DUSP19: variants seen among roughly 807,000 people sequenced by gnomAD.
DUSP19 encodes dual specificity phosphatase 19.
DUSP19 carries 14 observed loss-of-function variants against 16.6 expected under a neutral mutation model. The ratio of observed to expected loss-of-function variants is 0.84; its 90% CI spans 0.56 to 1.32. The LOEUF (loss-of-function observed/expected upper bound fraction) is 1.32, where lower values mean the gene tolerates loss of function less well. Among genes scored for constraint, DUSP19 ranks in the 40% most tolerant of loss-of-function variants. DUSP19 has a pLI of 0.00. For synonymous variants in DUSP19, 81 were observed against 90.5 expected, an observed-to-expected ratio of 0.90 and a Z score of 0.59; for missense variants, 258 against 255.9, an observed-to-expected ratio of 1.01 and a Z score of -0.06.
chr2:183,092,406 G>A (rs375757299), intron 3 of DUSP19, among the ~76,000 whole-genome samples: 5 of 151,874 alleles, frequency 3.3e-5, no homozygotes, highest in East Asian at 3.9e-4. Flanking sequence ...ACCTAACCCC[G>A]ACAGGCCCCC....
intron 1 of DUSP19, 59 bp downstream of exon 1, chr2:183,079,218 T>G (rs1474256479): frequency 1.3e-6 from 2 of 1,486,998 alleles, no homozygotes; most frequent in Non-Finnish European, 1.8e-6. Context: ...TACGTTCTCA[T>G]TTTCCCCCTT....
At chr2:183,095,309 CAAAT>C (rs1435462553) in intron 3 of DUSP19, 118 bp from the exon 4 acceptor site, 4 of 798,194 alleles carry the variant, frequency 5.0e-6, no homozygotes, top group African/African-American at 1.8e-5. Flanking sequence ...TAAATTGAAT[CAAAT>C]AAATCAATAA....
chr2:183,085,415 G>C (rs528809097), intron 2 of DUSP19, among the ~76,000 whole-genome samples: 1 of 152,218 alleles, frequency 6.6e-6, no homozygotes, highest in African/African-American at 2.4e-5. Flanking sequence ...AAGGAGGAGA[G>C]AGTCAGCAAT....
rs1184577747 is a variant in DUSP19, at chr2:183,098,584, T to A, written c.*2926T>A. 1 of 152,168 alleles carries A rather than the reference T, an allele frequency of 6.6e-6. No homozygotes were observed. The highest frequency in any genetic ancestry group is 2.4e-5 in the African/African-American group (1 of 41,444). The allele number at this position is 152,168 out of a possible 1,614,324, so 9.4% of individuals were successfully genotyped here. ...GGAGAGGAAAAATAGTTCAAGGAGT[T>A]TTTGCCTCTTTGTTTTTCAATAGAT... On this transcript the variant is annotated 3_prime_UTR_variant, in exon 4 of 4. Transcript: ENST00000354221.
At chr2:183,083,179 A>AT (rs1442280672) in intron 1 of DUSP19, among the ~76,000 whole-genome samples, 1 of 152,128 alleles carries the variant, frequency 6.6e-6, no homozygotes, top group African/African-American at 2.4e-5. Flanking sequence ...CAATTATACC[A>AT]TTTTTTATTT....
Position 183,099,363 on chromosome 2 carries a change from A to T in DUSP19, c.*3705A>T, listed in dbSNP as rs1699844759. 1 of 152,184 alleles carries T rather than the reference A, an allele frequency of 6.6e-6. No homozygotes were observed. Among genetic ancestry groups the T allele is most frequent in the Non-Finnish European group, 1.5e-5 (1 of 68,022 alleles). The allele number at this position is 152,184 out of a possible 1,614,324, so 9.4% of individuals were successfully genotyped here. ...AATAGTTGATTTTTCTGCCTGAAGG[A>T]TCCTGAACATATTTAGTTACCCTGT... On this transcript the variant is annotated 3_prime_UTR_variant, in exon 4 of 4. Coordinates refer to ENST00000354221, the MANE Select transcript of DUSP19 (RefSeq NM_080876.4).
chr2:183,087,079 G>T lies in DUSP19; in HGVS notation c.313G>T (p.Ala105Ser), dbSNP rs763236473. ...ILNVAYGVEN[A>S]FLSDFTYKSI... ...TAATGTTGCATATGGAGTTGAAAAT[G>T]CTTTCCTCAGTGACTTTACATATAA... The change falls in exon 3 of 4, where the codon GCT becomes TCT. Residue 105 changes from alanine (A) to serine (S), a missense_variant. Coordinates refer to ENST00000354221, the MANE Select transcript of DUSP19 (RefSeq NM_080876.4). 5.0e-6 allele frequency: 8 copies of T among 1,612,748 alleles called. No individual in the cohort carries two copies. In the South Asian group the frequency reaches 7.7e-5, roughly 16 times the overall value.
intron 3 of DUSP19, among the ~76,000 whole-genome samples, chr2:183,087,650 A>G (rs1231594341): frequency 6.6e-6 from 1 of 152,236 alleles, no homozygotes; most frequent in Non-Finnish European, 1.5e-5. Flanking sequence ...ATTGAAGTCA[A>G]CATTCTGACA....
intron 3 of DUSP19, among the ~76,000 whole-genome samples, chr2:183,089,756 A>G (rs1393865729): frequency 1.3e-5 from 2 of 152,196 alleles, no homozygotes; most frequent in Non-Finnish European, 2.9e-5. Flanking sequence ...AATATGTTCT[A>G]CCCTCTCAAG....
Position 183,095,767 on chromosome 2 carries a change from CT to C in DUSP19, c.*115del. ...AGCAAAACTCCCTTTTTTCTCTTGC[CT>C]TTTTTATGCATAAATGGAGGTCAAT... is the stretch of plus-strand genomic sequence containing the variant. On this transcript the variant is annotated 3_prime_UTR_variant, in exon 4 of 4. Transcript: ENST00000354221. 3 of 752,680 alleles carry C rather than the reference CT, an allele frequency of 4.0e-6. No homozygotes were observed. The highest frequency in any genetic ancestry group is 6.3e-6 in the Non-Finnish European group (3 of 476,014). The allele number at this position is 752,680 out of a possible 1,614,324, so 46.6% of individuals were successfully genotyped here.
chr2:183,099,453 A>G lies in DUSP19; in HGVS notation c.*3795A>G, dbSNP rs1295577188. Reference sequence around the variant, plus strand: ...ATATTCTTGCAATGCATAAAATGACATTATAATCAACAAACTTATGGTTTG... The same window carrying G: ...ATATTCTTGCAATGCATAAAATGACGTTATAATCAACAAACTTATGGTTTG... On this transcript the variant is annotated 3_prime_UTR_variant, in exon 4 of 4. Transcript: ENST00000354221. 6.6e-6 allele frequency: 1 copy of G among 152,232 alleles called. No homozygotes were observed. The highest frequency in any genetic ancestry group is 1.5e-5 in the Non-Finnish European group (1 of 68,034). The allele number at this position is 152,232 out of a possible 1,614,324, so 9.4% of individuals were successfully genotyped here. A position where few individuals can be genotyped will look rare whatever the true frequency, so the allele number is the denominator to read the frequency against.
rs1402515180 is a variant in DUSP19 at position 183,096,864 on chromosome 2, T to A, written c.*1206T>A. The A allele has an allele frequency of 6.6e-6, 1 of 152,522 alleles. No individual in the cohort carries two copies. Among genetic ancestry groups the A allele is most frequent in the Non-Finnish European group, 1.5e-5 (1 of 68,034 alleles). The allele number at this position is 152,522 out of a possible 1,614,324, so 9.4% of individuals were successfully genotyped here. The stretch of plus-strand genomic sequence containing the variant: ...TACTTTTAGGAGACCCACAATCATT[T>A]ACAGTTTTATCTTTGGCCTTTGAAT... On this transcript the variant is annotated 3_prime_UTR_variant, in exon 4 of 4. Transcript: ENST00000354221.
intron 2 of DUSP19, among the ~76,000 whole-genome samples, chr2:183,086,396 C>T (rs974527088): frequency 3.9e-4 from 59 of 152,110 alleles, no homozygotes; most frequent in Admixed American, 2.0e-3. Flanking sequence ...ACTCACTGCT[C>T]ATTCGCTTAT....
chr2:183,079,224 C>T (rs72890349), intron 1 of DUSP19, 65 bp downstream of exon 1: 54,610 of 1,444,228 alleles, frequency 0.038, 1,255 homozygotes, highest in Non-Finnish European at 0.045. Flanking sequence ...CTCATTTTCC[C>T]CCTTTATGCG....
intron 2 of DUSP19, among the ~76,000 whole-genome samples, chr2:183,086,756 A>G (rs979209312): frequency 9.2e-5 from 14 of 151,736 alleles, no homozygotes; most frequent in African/African-American, 3.1e-4. Context: ...CTAGGAGTTC[A>G]AGATTGCAGT....
At chr2:183,090,802 G>A (rs1699722494) in intron 3 of DUSP19, among the ~76,000 whole-genome samples, 1 of 152,114 alleles carries the variant, frequency 6.6e-6, no homozygotes, top group Non-Finnish European at 1.5e-5. Context: ...GCTGGGAGGG[G>A]GCAGCAAAAA....
At chr2:183,083,690 T>A in intron 2 of DUSP19, 136 bp downstream of exon 2, 1 of 626,278 alleles carries the variant, frequency 1.6e-6, no homozygotes, top group Non-Finnish European at 2.5e-6. Flanking sequence ...TTCAATAGAG[T>A]TGAAAAATAA....
chr2:183,082,836 T>TCCTC (rs767449071), intron 1 of DUSP19, among the ~76,000 whole-genome samples: 2,189 of 144,432 alleles, frequency 0.015, 65 homozygotes, highest in African/African-American at 0.043. Context: ...GTTCCTTCCT[T>TCCTC]CCTCCCTCCC....
At chr2:183,083,857 T>C (rs1049644878) in intron 2 of DUSP19, among the ~76,000 whole-genome samples, 9 of 152,152 alleles carry the variant, frequency 5.9e-5, no homozygotes, top group Admixed American at 3.3e-4. Context: ...CTTTCCCTCA[T>C]CTCTGCTTGT....
Sources: gnomAD v4.1 joint callset for allele counts (sites outside exome capture counted in the v4.1 genomes callset) on GRCh38, gnomAD v4.1.1 for gene constraint, MANE v1.5 for transcripts, NCBI Gene and HGNC (gene_info 2026-07-23, HGNC 2026-07-21) for gene names.